PCSK6: variants seen among roughly 807,000 people sequenced by gnomAD.
PCSK6 encodes proprotein convertase subtilisin/kexin type 6.
PCSK6 carries 85 observed loss-of-function variants against 123.3 expected under a neutral mutation model. The ratio of observed to expected loss-of-function variants is 0.69; its 90% CI spans 0.58 to 0.83. The LOEUF (loss-of-function observed/expected upper bound fraction) is 0.83, where lower values mean the gene tolerates loss of function less well. Ranked by LOEUF, PCSK6 falls within the 40% of genes least tolerant of loss-of-function variation. The probability of loss-of-function intolerance (pLI) is 0.00; values close to 1 mark genes in which losing one functional copy is unlikely to be tolerated. For synonymous variants in PCSK6, 508 were observed against 516.0 expected, an observed-to-expected ratio of 0.98 and a Z score of 0.21; for missense variants, 1,191 against 1,282.3, an observed-to-expected ratio of 0.93 and a Z score of 1.09.
intron 6 of PCSK6, among the ~76,000 whole-genome samples, chr15:101,416,708 C>A (rs7183957): frequency 0.044 from 6,700 of 152,338 alleles, 521 homozygotes; most frequent in African/African-American, 0.15. Context: ...GTCCTAGCCA[C>A]GTCAGTCGTG....
At chr15:101,332,090 G>A (rs61377198) in intron 13 of PCSK6, 59 bp from the exon 14 acceptor site, 1 of 1,473,224 alleles carries the variant, frequency 6.8e-7, no homozygotes, top group Non-Finnish European at 9.1e-7. Context: ...GTCACTCACA[G>A]AAATAAGCCA....
chr15:101,352,043 G>GA (rs2040903547), intron 13 of PCSK6, among the ~76,000 whole-genome samples: 2 of 149,670 alleles, frequency 1.3e-5, no homozygotes, highest in Non-Finnish European at 3.0e-5. Context: ...ACCCTTTACA[G>GA]AAAAAGTTTT....
At chr15:101,316,474 T>C (rs1223072559) in intron 19 of PCSK6, 2 of 152,264 alleles carry the variant, frequency 1.3e-5, no homozygotes, top group Non-Finnish European at 2.9e-5. Flanking sequence ...TATGCCTGAA[T>C]GTTATGGATT....
chr15:101,431,274 A>G, intron 4 of PCSK6, 46 bp downstream of exon 4: 1 of 1,602,520 alleles, frequency 6.2e-7, no homozygotes. Flanking sequence ...CTTAATGACC[A>G]GCACAGTTGA....
intron 13 of PCSK6, chr15:101,336,927 T>G (rs942848537): frequency 7.2e-5 from 11 of 152,208 alleles, no homozygotes; most frequent in Non-Finnish European, 1.5e-4. Context: ...AGACCTTTCC[T>G]TTTCTAATAG....
Position 101,398,990 on chromosome 15 carries a change from C to A in PCSK6, c.824-414G>T, listed in dbSNP as rs1419946281. On this transcript the variant is annotated intron_variant, in intron 6 of 21. Transcript: ENST00000611716. This position sits in a 1 kb window ranked among gnomAD's most constrained non-coding sequence, Gnocchi z 4.6. ...CAATCTCGGCTCACTGCAAGCTCCA[C>A]CTCCCGGGTTCAAGTGATTCTCCTG... Among the ~76,000 whole-genome samples the A allele has an allele frequency of 6.6e-6, 1 of 152,162 alleles. No homozygotes were observed. Among genetic ancestry groups the A allele is most frequent in the Non-Finnish European group, 1.5e-5 (1 of 68,044 alleles).
intron 15 of PCSK6, among the ~76,000 whole-genome samples, chr15:101,327,028 T>C (rs1338765667): frequency 3.3e-5 from 5 of 152,220 alleles, no homozygotes; most frequent in Middle Eastern, 3.4e-3. Context: ...GACCGCCTGG[T>C]GGGGCTGTTG....
At position 101,393,420 on chromosome 15, in the gene PCSK6, C is replaced by A. The variant is rs373355235; in HGVS notation, c.1001G>T (p.Arg334Leu). 6.2e-7 allele frequency: 1 copy of A among 1,602,276 alleles called. No individual in the cohort carries two copies. Among genetic ancestry groups the A allele is most frequent in the Non-Finnish European group, 8.5e-7 (1 of 1,175,524 alleles). The change falls in exon 8 of 22, where the codon CGG becomes CTG. Residue 334 changes from arginine to leucine, a missense_variant. Arg to Leu is a moderately radical substitution (Grantham distance 102). Transcript: ENST00000611716. Reference sequence around the variant, plus strand: ...GACGAAAATGGAGCCCAGGCCCTGCCGGCCCTGGAGGGACAAGAGGAACAA... The same window carrying A: ...GACGAAAATGGAGCCCAGGCCCTGCAGGCCCTGGAGGGACAAGAGGAACAA... ...QAFEYGIKKG[R>L]QGLGSIFVWA...
rs542913909 is a variant in PCSK6, at chr15:101,362,245, C to T, written c.1858+3951G>A. Among the ~76,000 whole-genome samples the T allele has an allele frequency of 6.2e-4, 95 of 152,298 alleles. 1 individual carries two copies. In the East Asian group the frequency reaches 7.3e-3, roughly 12 times the overall value. ...TGCTGGAATTACAGGCATGAGCCAC[C>T]ATGCCCAGCCCAAAGCTATTTACAT... On this transcript the variant is annotated intron_variant, in intron 13 of 21. Coordinates refer to ENST00000611716, the MANE Select transcript of PCSK6 (RefSeq NM_002570.5).
intron 13 of PCSK6, chr15:101,346,948 G>C: frequency 1.6e-6 from 2 of 1,231,620 alleles, no homozygotes; most frequent in Non-Finnish European, 2.0e-6. Context: ...TTGGGGAAAG[G>C]CGTCACTGTC....
intron 1 of PCSK6, among the ~76,000 whole-genome samples, chr15:101,459,555 C>A (rs1489448094): frequency 1.4e-5 from 2 of 138,714 alleles, no homozygotes; most frequent in African/African-American, 5.2e-5. Context: ...CCATTCCCGT[C>A]CCCCCCACCA....
At chr15:101,324,717 G>A (rs2040207668) in intron 17 of PCSK6, 133 bp downstream of exon 17, 3 of 732,250 alleles carry the variant, frequency 4.1e-6, no homozygotes, top group Middle Eastern at 3.0e-4. Context: ...CTCCTTCCCT[G>A]TTCAAAGTCC....
rs2040376232 is a variant in PCSK6, at chr15:101,331,795, T to C, written c.2038+57A>G. On this transcript the variant is annotated intron_variant, in intron 14 of 21. Coordinates refer to ENST00000611716, the MANE Select transcript of PCSK6 (RefSeq NM_002570.5). ...AGCAGCCCTACATTTTAAGAGCTAC[T>C]CTGGACAATCAAAGCTCGTGGAAGC... The C allele has an allele frequency of 3.7e-6, 6 of 1,606,292 alleles. No homozygotes were observed. In the South Asian group the frequency reaches 5.5e-5, roughly 15 times the overall value.
chr15:101,357,775 G>C (rs866313909), intron 13 of PCSK6, among the ~76,000 whole-genome samples: 1 of 152,176 alleles, frequency 6.6e-6, no homozygotes, highest in Non-Finnish European at 1.5e-5. Flanking sequence ...GGGTAGACAC[G>C]GATTTTCACC....
rs951058875 is a variant in PCSK6, at chr15:101,419,232, C to A, written c.823+8660G>T. On this transcript the variant is annotated intron_variant, in intron 6 of 21. Transcript: ENST00000611716. ...TCCAACGGAAAAACAACAGCACCCA[C>A]AGAGATCAATAAGGTGACCAGAAAC... Among the ~76,000 whole-genome samples, 12 of 152,170 alleles carry A rather than the reference C, an allele frequency of 7.9e-5. No homozygotes were observed. In the Middle Eastern group the frequency reaches 0.014, roughly 173 times the overall value.
intron 13 of PCSK6, 170 bp downstream of exon 13, chr15:101,366,026 C>G: frequency 1.5e-6 from 1 of 645,160 alleles, no homozygotes; most frequent in Non-Finnish European, 2.5e-6. Flanking sequence ...CTAAAAGCCA[C>G]TGAACTGTCC....
At chr15:101,342,473 G>A (rs1321289966) in intron 13 of PCSK6, among the ~76,000 whole-genome samples, 1 of 152,146 alleles carries the variant, frequency 6.6e-6, no homozygotes, top group Non-Finnish European at 1.5e-5. Context: ...GAGGAACAGA[G>A]TATTTCATCT....
chr15:101,480,484 T>A (rs1453278684), intron 1 of PCSK6, among the ~76,000 whole-genome samples: 2 of 152,224 alleles, frequency 1.3e-5, no homozygotes, highest in Non-Finnish European at 2.9e-5. Flanking sequence ...ATGGGAACCC[T>A]AGGCTGCTGA....
intron 6 of PCSK6, among the ~76,000 whole-genome samples, chr15:101,411,182 A>C (rs2055669822): frequency 6.6e-6 from 1 of 152,144 alleles, no homozygotes; most frequent in Non-Finnish European, 1.5e-5. Context: ...TCCTGGCGCG[A>C]GGACTTCTGA....
Sources: allele counts gnomAD v4.1 joint callset (sites outside exome capture counted in the v4.1 genomes callset), GRCh38; gene constraint gnomAD v4.1.1; non-coding constraint Gnocchi (gnomAD v3.1); transcripts MANE v1.5; gene names NCBI Gene and HGNC (gene_info 2026-07-23, HGNC 2026-07-21).